CSMD1: variants seen among roughly 807,000 people sequenced by gnomAD.
CSMD1 encodes the protein CUB and sushi domain-containing protein 1.
CSMD1 carries 213 observed loss-of-function variants against 417.5 expected under a neutral mutation model. The observed-to-expected ratio is 0.51, with a 90% CI of 0.46 to 0.57. The LOEUF (loss-of-function observed/expected upper bound fraction) is 0.57. Among genes scored for constraint, CSMD1 ranks in the 20% least tolerant of loss-of-function variants. The pLI, the probability that CSMD1 is intolerant of heterozygous loss-of-function variation, is 0.00. For synonymous variants in CSMD1, 2,862 were observed against 1,736.8 expected (o/e 1.65, Z -16.11); for missense variants, 6,923 against 4,529.7 (o/e 1.53, Z -15.17).
intron 16 of CSMD1, among the ~76,000 whole-genome samples, chr8:3,397,729 C>G (rs1230916531): frequency 1.3e-5 from 2 of 152,204 alleles, no homozygotes; most frequent in East Asian, 3.9e-4. Flanking sequence ...TCTTTAGTAA[C>G]AGTGAGGACT....
intron 19 of CSMD1, among the ~76,000 whole-genome samples, chr8:3,368,541 A>T (rs1439034556): frequency 6.6e-6 from 1 of 152,016 alleles, no homozygotes; most frequent in Non-Finnish European, 1.5e-5. Flanking sequence ...GTTCCACCAT[A>T]TTGGCTAGTC....
At chr8:3,712,721 G>T (rs558515675) in intron 6 of CSMD1, among the ~76,000 whole-genome samples, 1 of 152,202 alleles carries the variant, frequency 6.6e-6, no homozygotes, top group East Asian at 1.9e-4. Flanking sequence ...TTGTTTTATT[G>T]TGTGGAAGAT....
intron 3 of CSMD1, among the ~76,000 whole-genome samples, chr8:4,129,226 T>A (rs1802947767): frequency 6.6e-6 from 1 of 152,196 alleles, no homozygotes; most frequent in African/African-American, 2.4e-5. Flanking sequence ...CAGATTCCTA[T>A]CAATTTCCTC....
At chr8:2,995,448 G>T (rs565933623) in intron 54 of CSMD1, among the ~76,000 whole-genome samples, 1 of 152,154 alleles carries the variant, frequency 6.6e-6, no homozygotes, top group Admixed American at 6.5e-5. Context: ...GTTGGGTAGG[G>T]ATGACAAATA....
At chr8:4,214,459 G>A (rs998314797) in intron 3 of CSMD1, among the ~76,000 whole-genome samples, 3 of 152,014 alleles carry the variant, frequency 2.0e-5, no homozygotes, top group South Asian at 4.1e-4. Context: ...CACCACACTT[G>A]GCTAATGTTT....
chr8:3,403,077 T>C (rs1470531180), intron 15 of CSMD1, among the ~76,000 whole-genome samples: 1 of 152,186 alleles, frequency 6.6e-6, no homozygotes, highest in African/African-American at 2.4e-5. Context: ...TGTAGTTCTA[T>C]TTTTATTACA....
chr8:3,344,345 C>T (rs1293046035), intron 22 of CSMD1, among the ~76,000 whole-genome samples: 13 of 152,116 alleles, frequency 8.5e-5, no homozygotes, highest in South Asian at 2.1e-4. Flanking sequence ...CTAATGCATG[C>T]GGGGCTTAAA....
At chr8:4,983,288 G>C (rs141966661) in intron 1 of CSMD1, among the ~76,000 whole-genome samples, 1 of 152,186 alleles carries the variant, frequency 6.6e-6, no homozygotes, top group Non-Finnish European at 1.5e-5. Context: ...TTCAACGAGT[G>C]TTTTCACAAA....
intron 8 of CSMD1, among the ~76,000 whole-genome samples, chr8:3,614,216 C>T (rs1802028098): frequency 6.6e-6 from 1 of 152,024 alleles, no homozygotes; most frequent in South Asian, 2.1e-4. Context: ...ATATAAACAA[C>T]ATAGTGATTT....
intron 5 of CSMD1, among the ~76,000 whole-genome samples, chr8:3,909,961 T>C (rs954328622): frequency 7.9e-5 from 12 of 152,254 alleles, no homozygotes; most frequent in African/African-American, 2.4e-4. Context: ...TTGACTGATA[T>C]GCAGACAACA....
intron 38 of CSMD1, among the ~76,000 whole-genome samples, chr8:3,160,131 TTTC>T (rs561114902): frequency 2.6e-4 from 39 of 152,282 alleles, no homozygotes; most frequent in African/African-American, 8.4e-4. Flanking sequence ...CTTTTCTTTT[TTTC>T]TTTTTTTAAG....
intron 2 of CSMD1, among the ~76,000 whole-genome samples, chr8:4,580,881 G>T (rs956051802): frequency 6.6e-6 from 1 of 152,088 alleles, no homozygotes; most frequent in Admixed American, 6.5e-5. Flanking sequence ...ATAATTTATT[G>T]CATTTTTCCC....
intron 25 of CSMD1, among the ~76,000 whole-genome samples, chr8:3,303,772 C>T (rs570947290): frequency 6.6e-6 from 1 of 152,176 alleles, no homozygotes; most frequent in Non-Finnish European, 1.5e-5. Context: ...TGCTGGATCT[C>T]TTAGAGAAAT....
intron 3 of CSMD1, among the ~76,000 whole-genome samples, chr8:4,183,914 G>C (rs1422282027): frequency 1.3e-5 from 2 of 152,126 alleles, no homozygotes; most frequent in African/African-American, 4.8e-5. Flanking sequence ...GCTTGGGGCA[G>C]CTACCACATG....
chr8:3,220,930 C>A (rs1464985426), intron 28 of CSMD1, among the ~76,000 whole-genome samples: 3 of 152,176 alleles, frequency 2.0e-5, no homozygotes, highest in Non-Finnish European at 4.4e-5. Context: ...TCATATGTGT[C>A]TTTAAAAAGC....
intron 3 of CSMD1, among the ~76,000 whole-genome samples, chr8:4,195,553 C>G (rs1040955494): frequency 1.3e-5 from 2 of 152,118 alleles, no homozygotes; most frequent in Non-Finnish European, 2.9e-5. Context: ...TGATGTGCGT[C>G]TGACCAATAG....
At chr8:4,434,094 T>G (rs1331662653) in intron 2 of CSMD1, among the ~76,000 whole-genome samples, 3 of 152,208 alleles carry the variant, frequency 2.0e-5, no homozygotes, top group South Asian at 2.1e-4. Flanking sequence ...TCCCAGCACT[T>G]TGGGAGGTTG....
At chr8:3,205,479 A>G in intron 31 of CSMD1, 25 bp downstream of exon 31, 1 of 1,138,032 alleles carries the variant, frequency 8.8e-7, no homozygotes, top group Non-Finnish European at 1.3e-6. Flanking sequence ...ATGACAATGA[A>G]TTAAAAATAC....
At chr8:3,509,214 A>G (rs897880717) in intron 10 of CSMD1, among the ~76,000 whole-genome samples, 3 of 152,226 alleles carry the variant, frequency 2.0e-5, no homozygotes, top group Non-Finnish European at 4.4e-5. Context: ...GCAATTAGAG[A>G]AACAATATTA....
Sources: gnomAD v4.1 joint callset for allele counts (sites outside exome capture counted in the v4.1 genomes callset) on GRCh38, gnomAD v4.1.1 for gene constraint, MANE v1.5 for transcripts, NCBI Gene and HGNC (gene_info 2026-07-23, HGNC 2026-07-21) for gene names.